GDPD5: variants seen among roughly 807,000 people sequenced by gnomAD.
The protein encoded by GDPD5 is glycerophosphodiester phosphodiesterase domain containing 5.
Under a neutral mutation model 75.1 loss-of-function variants are expected in GDPD5, and 48 were observed. The ratio of observed to expected loss-of-function variants is 0.64; its 90% CI spans 0.51 to 0.81. GDPD5 has a LOEUF of 0.81. GDPD5 is among the 40% of genes least tolerant of loss of function. The pLI, the probability that GDPD5 is intolerant of heterozygous loss-of-function variation, is 0.00. For synonymous variants in GDPD5, 336 were observed against 339.0 expected, an observed-to-expected ratio of 0.99 and a Z score of 0.10; for missense variants, 706 against 822.6, an observed-to-expected ratio of 0.86 and a Z score of 1.73.
chr11:75,449,663 C>G (rs1949085243), intron 7 of GDPD5, 53 bp from the exon 8 acceptor site: 1 of 1,522,160 alleles, frequency 6.6e-7, no homozygotes, highest in Non-Finnish European at 8.9e-7. Context: ...CTGCCCAGAC[C>G]CTGTGTCACC....
rs979538855 is a variant in GDPD5, at chr11:75,439,905, G to A, written c.1530C>T (p.Leu510=). 2.5e-6 allele frequency: 4 copies of A among 1,613,850 alleles called. No individual in the cohort carries two copies. Among genetic ancestry groups the A allele is most frequent in the Admixed American group, 1.7e-5 (1 of 59,990 alleles). Residue 510 remains leucine (L), a synonymous_variant, in exon 15 of 17, where the codon CTC becomes CTT. Transcript: ENST00000336898. The part of the protein sequence containing the change: ...WVTADLVSFT[L]IVGIFVLQKW... ...TCTGGAGCACGAAGATGCCCACGAT[G>A]AGGGTGAAGGAGACCAGGTCGGCAG...
At chr11:75,445,312 G>C (rs545202693) in intron 9 of GDPD5, among the ~76,000 whole-genome samples, 1 of 152,254 alleles carries the variant, frequency 6.6e-6, no homozygotes, top group South Asian at 2.1e-4. Context: ...ACCACACCCA[G>C]CTCTGGTTCT....
At chr11:75,460,764 T>C (rs1790147) in intron 4 of GDPD5, among the ~76,000 whole-genome samples, 104,344 of 151,718 alleles carry the variant, frequency 0.69, 36,439 homozygotes, top group East Asian at 0.96. Flanking sequence ...CTCTTGAGAC[T>C]ATCAGGACTG....
chr11:75,450,091 T>C (rs1201517783), intron 6 of GDPD5, 108 bp from the exon 7 acceptor site: 1 of 852,216 alleles, frequency 1.2e-6, no homozygotes, highest in Non-Finnish European at 1.9e-6. Flanking sequence ...GAGAGGCCGA[T>C]GGAGCAGGGC....
intron 2 of GDPD5, among the ~76,000 whole-genome samples, chr11:75,488,419 C>T (rs945413891): frequency 5.1e-4 from 78 of 152,170 alleles, no homozygotes; most frequent in African/African-American, 1.8e-3. Flanking sequence ...TTCCTAAGTC[C>T]CAGGGAGAGG....
chr11:75,481,149 G>T (rs1442907892), intron 2 of GDPD5, among the ~76,000 whole-genome samples: 1 of 152,184 alleles, frequency 6.6e-6, no homozygotes, highest in Non-Finnish European at 1.5e-5. Context: ...GTCAGAGTAT[G>T]CTCCCTGGAG....
chr11:75,441,462 C>T (rs532185515), intron 13 of GDPD5, 152 bp from the exon 14 acceptor site: 44 of 1,195,830 alleles, frequency 3.7e-5, no homozygotes, highest in South Asian at 3.4e-4. Flanking sequence ...GGGACAAGCC[C>T]GGGTCTGCCC....
intron 3 of GDPD5, among the ~76,000 whole-genome samples, chr11:75,476,189 C>T (rs762002851): frequency 6.6e-6 from 1 of 152,136 alleles, no homozygotes; most frequent in African/African-American, 2.4e-5. Flanking sequence ...GTGTGGAGCA[C>T]GGTAGAGTGG....
chr11:75,497,957 G>C (rs1381982397), intron 1 of GDPD5, among the ~76,000 whole-genome samples: 1 of 152,214 alleles, frequency 6.6e-6, no homozygotes, highest in Non-Finnish European at 1.5e-5. Flanking sequence ...CCTGATTTTA[G>C]TTGAGCACAT....
chr11:75,466,997 C>A (rs1241932835), intron 3 of GDPD5, among the ~76,000 whole-genome samples: 1 of 152,140 alleles, frequency 6.6e-6, no homozygotes, highest in Admixed American at 6.5e-5. Flanking sequence ...AGCCTAGTTC[C>A]CTGGATTTCT....
intron 3 of GDPD5, 46 bp from the exon 4 acceptor site, chr11:75,462,935 C>T (rs759487790): frequency 1.3e-6 from 2 of 1,493,644 alleles, no homozygotes; most frequent in East Asian, 2.3e-5. Flanking sequence ...AGGGGCCAGC[C>T]CCTTAGGCTG....
chr11:75,522,924 C>T (rs1414703016), intron 1 of GDPD5, among the ~76,000 whole-genome samples: 1 of 152,064 alleles, frequency 6.6e-6, no homozygotes, highest in Non-Finnish European at 1.5e-5. Context: ...TTGCCGGTGT[C>T]CCCAAGCAGA....
Position 75,441,688 on chromosome 11 carries a change from C to T in GDPD5, c.1283G>A (p.Arg428Gln), listed in dbSNP as rs1260229382. 17 of 1,606,806 alleles carry T rather than the reference C, an allele frequency of 1.1e-5. No individual in the cohort carries two copies. Among genetic ancestry groups the T allele is most frequent in the South Asian group, 2.2e-5 (2 of 90,252 alleles). ...CACCTGAGTGTAGCGCAGGTTCAGC[C>T]GCTGGATGTGGCCTCTCCGCAGGCT... ...VASLRRGHIQRLNLRYTQVSR... is the reference protein window; with the variant it reads ...VASLRRGHIQQLNLRYTQVSR... The change falls in exon 13 of 17, where the codon CGG (arginine) becomes CAG (glutamine). Residue 428 changes from arginine to glutamine, a missense_variant. Coordinates refer to ENST00000336898, the MANE Select transcript of GDPD5 (RefSeq NM_030792.8).
intron 12 of GDPD5, among the ~76,000 whole-genome samples, chr11:75,442,087 T>C (rs1385232818): frequency 6.6e-6 from 1 of 152,202 alleles, no homozygotes; most frequent in African/African-American, 2.4e-5. Context: ...CGTCCTAAAC[T>C]GATGTCAGAT....
intron 3 of GDPD5, among the ~76,000 whole-genome samples, chr11:75,476,446 TG>T (rs1463929283): frequency 6.6e-6 from 1 of 150,844 alleles, no homozygotes; most frequent in African/African-American, 2.4e-5. Flanking sequence ...CACCAAAACC[TG>T]AATCCATCTG....
At chr11:75,441,500 CAT>C in intron 13 of GDPD5, 144 bp downstream of exon 13, 1 of 1,117,662 alleles carries the variant, frequency 8.9e-7, no homozygotes, top group Non-Finnish European at 1.3e-6. Context: ...GTCTTTGAAC[CAT>C]GTGTGCCTGA....
At chr11:75,500,720 C>G (rs1045746071) in intron 1 of GDPD5, among the ~76,000 whole-genome samples, 4 of 152,174 alleles carry the variant, frequency 2.6e-5, no homozygotes, top group African/African-American at 9.7e-5. Context: ...AATGGGAACT[C>G]CTCTTCCTTT....
At chr11:75,443,903 C>T (rs527494321) in intron 10 of GDPD5, among the ~76,000 whole-genome samples, 5 of 152,288 alleles carry the variant, frequency 3.3e-5, no homozygotes, top group East Asian at 1.9e-4. Flanking sequence ...GGAACAATGT[C>T]CTCATTTATG....
At chr11:75,506,421 G>C (rs1244151915) in intron 1 of GDPD5, among the ~76,000 whole-genome samples, 1 of 152,152 alleles carries the variant, frequency 6.6e-6, no homozygotes, top group African/African-American at 2.4e-5. Context: ...CACCTAGGAG[G>C]ACCCAGGGTA....
Sources: gnomAD v4.1 joint callset for allele counts (sites outside exome capture counted in the v4.1 genomes callset) on GRCh38, gnomAD v4.1.1 for gene constraint, MANE v1.5 for transcripts, NCBI Gene and HGNC (gene_info 2026-07-23, HGNC 2026-07-21) for gene names.